NAPB: variants seen among roughly 807,000 people sequenced by gnomAD.
The protein encoded by NAPB is NSF attachment protein beta.
Under a neutral mutation model 44.7 loss-of-function variants are expected in NAPB, and 26 were observed. The ratio of observed to expected loss-of-function variants is 0.58; its 90% CI spans 0.43 to 0.81. NAPB has a LOEUF of 0.81. NAPB is among the 30% of genes least tolerant of loss of function. The pLI, the probability that NAPB is intolerant of heterozygous loss-of-function variation, is 0.00. For missense variants in NAPB, 315 were observed against 356.4 expected (o/e 0.88, Z 0.94); for synonymous variants, 120 against 116.8 (o/e 1.03, Z -0.18).
At chr20:23,421,264 G>C (rs900169837) in intron 1 of NAPB, 41 bp downstream of exon 1, 63 of 1,272,108 alleles carry the variant, frequency 5.0e-5, no homozygotes, top group South Asian at 1.2e-4. Context: ...GCCAAGTACG[G>C]AGACCCCCCC....
intron 2 of NAPB, among the ~76,000 whole-genome samples, chr20:23,397,635 C>G (rs903615693): frequency 6.6e-6 from 1 of 152,228 alleles, no homozygotes; most frequent in African/African-American, 2.4e-5. Context: ...GTGGAAGAAA[C>G]TGCTAATGAA....
At chr20:23,380,155 T>C (rs2123128304) in intron 8 of NAPB, among the ~76,000 whole-genome samples, 1 of 152,390 alleles carries the variant, frequency 6.6e-6, no homozygotes, top group Admixed American at 6.5e-5. Flanking sequence ...GTTAGGCTGC[T>C]GCTGAGAAGA....
intron 2 of NAPB, among the ~76,000 whole-genome samples, chr20:23,401,118 GA>G (rs1405833247): frequency 6.6e-6 from 1 of 152,116 alleles, no homozygotes; most frequent in African/African-American, 2.4e-5. Context: ...TCTGTTTGGG[GA>G]AAGAGTAGGG....
At chr20:23,384,250 C>G (rs1390924286) in intron 7 of NAPB, among the ~76,000 whole-genome samples, 1 of 152,156 alleles carries the variant, frequency 6.6e-6, no homozygotes, top group Non-Finnish European at 1.5e-5. Context: ...TGAGGAATAA[C>G]TGTACTTAGA....
intron 1 of NAPB, 32 bp from the exon 2 acceptor site, chr20:23,403,104 A>C: frequency 6.8e-7 from 1 of 1,479,458 alleles, no homozygotes; most frequent in East Asian, 2.3e-5. Flanking sequence ...GATTTTTAAC[A>C]ACCATCCACA....
intron 1 of NAPB, among the ~76,000 whole-genome samples, chr20:23,419,232 A>G (rs1986221075): frequency 6.6e-6 from 1 of 152,240 alleles, no homozygotes; most frequent in Admixed American, 6.5e-5. Flanking sequence ...CCAAAGCTAG[A>G]TAATAAACCA....
chr20:23,417,740 C>CA (rs767017844), intron 1 of NAPB, among the ~76,000 whole-genome samples: 8 of 152,020 alleles, frequency 5.3e-5, no homozygotes, highest in Non-Finnish European at 1.2e-4. Flanking sequence ...AGCAGAAACA[C>CA]AAACCACCAC....
intron 7 of NAPB, among the ~76,000 whole-genome samples, chr20:23,386,109 T>C (rs1412623548): frequency 1.3e-5 from 2 of 151,906 alleles, no homozygotes; most frequent in Non-Finnish European, 2.9e-5. Context: ...AATCAATAAA[T>C]CCAACTAACT....
chr20:23,386,602 C>T (rs1321108661), intron 7 of NAPB, among the ~76,000 whole-genome samples: 2 of 152,228 alleles, frequency 1.3e-5, no homozygotes, highest in African/African-American at 2.4e-5. Context: ...GGGTGGTCAA[C>T]ATCTATGTCA....
intron 7 of NAPB, among the ~76,000 whole-genome samples, chr20:23,386,634 G>C (rs1390985679): frequency 6.6e-6 from 1 of 152,204 alleles, no homozygotes; most frequent in African/African-American, 2.4e-5. Flanking sequence ...TAAAAACTCA[G>C]AACACCACGT....
intron 5 of NAPB, 113 bp downstream of exon 5, chr20:23,394,809 G>T: frequency 9.6e-7 from 1 of 1,036,844 alleles, no homozygotes; most frequent in Non-Finnish European, 1.4e-6. Flanking sequence ...CTCCAGGCAA[G>T]GCCATCTATG....
At chr20:23,388,951 G>C (rs1479979692) in intron 7 of NAPB, among the ~76,000 whole-genome samples, 5 of 151,954 alleles carry the variant, frequency 3.3e-5, no homozygotes, top group Admixed American at 3.3e-4. Flanking sequence ...ATTAATAACA[G>C]AGTCCAGAGA....
Position 23,421,293 on chromosome 20 carries a change from T to A in NAPB, c.98+12A>T. 2 of 1,515,970 alleles carry A rather than the reference T, an allele frequency of 1.3e-6. No individual in the cohort carries two copies. The highest frequency in any genetic ancestry group is 1.8e-6 in the Non-Finnish European group (2 of 1,115,058). 93.9% of individuals were successfully genotyped at this position (1,515,970 alleles called of 1,614,324 possible). ...CCCCCCCCCCCCAGGGCACGCACGG[T>A]CTGGCGCTCACCCAAACAGCCCTCG... On this transcript the variant is annotated intron_variant, in intron 1 of 10. Coordinates refer to ENST00000377026, the MANE Select transcript of NAPB (RefSeq NM_022080.3).
rs556425651 is a variant in NAPB, at chr20:23,379,814, T to C, written c.735+53A>G. 5.8e-5 allele frequency: 77 copies of C among 1,335,160 alleles called. No individual in the cohort carries two copies. In the African/African-American group the frequency reaches 1.0e-3, roughly 17 times the overall value. 82.7% of individuals were successfully genotyped at this position (1,335,160 alleles called of 1,614,324 possible). ...CTTCATACCCAATCCCACTTAGGTG[T>C]TGTCACCTAACAGAACAAAAGCATT... On this transcript the variant is annotated intron_variant, in intron 9 of 10. Coordinates refer to ENST00000377026, the MANE Select transcript of NAPB (RefSeq NM_022080.3).
chr20:23,385,012 G>C (rs922586887), intron 7 of NAPB, among the ~76,000 whole-genome samples: 1 of 152,022 alleles, frequency 6.6e-6, no homozygotes, highest in Non-Finnish European at 1.5e-5. Flanking sequence ...TCAGCTACTC[G>C]GGAGGCTGAG....
chr20:23,410,550 G>C (rs528660878), intron 1 of NAPB, among the ~76,000 whole-genome samples: 1 of 152,318 alleles, frequency 6.6e-6, no homozygotes, highest in South Asian at 2.1e-4. Context: ...GCGGGGTATG[G>C]GGAGAGAAAC....
At chr20:23,395,219 A>T in intron 3 of NAPB, 34 bp from the exon 4 acceptor site, 1 of 1,612,012 alleles carries the variant, frequency 6.2e-7, no homozygotes, top group East Asian at 2.2e-5. Flanking sequence ...AACAATGAAA[A>T]ATCCATTCAG....
chr20:23,410,900 AGAT>A (rs1349443488), intron 1 of NAPB, among the ~76,000 whole-genome samples: 2 of 152,196 alleles, frequency 1.3e-5, no homozygotes, highest in African/African-American at 4.8e-5. Context: ...CAAAAAAATA[AGAT>A]GATGAACTCT....
At chr20:23,415,767 G>C (rs887693481) in intron 1 of NAPB, among the ~76,000 whole-genome samples, 1 of 151,610 alleles carries the variant, frequency 6.6e-6, no homozygotes, top group African/African-American at 2.4e-5. Context: ...CGGAGTTGGA[G>C]ACAAGCCTGG....
Sources: allele counts gnomAD v4.1 joint callset (sites outside exome capture counted in the v4.1 genomes callset), GRCh38; gene constraint gnomAD v4.1.1; transcripts MANE v1.5; gene names NCBI Gene and HGNC (gene_info 2026-07-23, HGNC 2026-07-21).